DIAPH3: variants seen among roughly 807,000 people sequenced by gnomAD.
The protein encoded by DIAPH3 is protein diaphanous homolog 3.
A neutral mutation model predicts 144.3 loss-of-function variants in DIAPH3; 117 were observed. The ratio of observed to expected loss-of-function variants is 0.81; its 90% CI spans 0.70 to 0.95. The LOEUF (loss-of-function observed/expected upper bound fraction) is 0.95. Among genes scored for constraint, DIAPH3 ranks in the 40% least tolerant of loss-of-function variants. The pLI, the probability that DIAPH3 is intolerant of heterozygous loss-of-function variation, is 0.00. For synonymous variants in DIAPH3, 519 were observed against 488.9 expected, an observed-to-expected ratio of 1.06 and a Z score of -0.81; for missense variants, 1,421 against 1,412.7, an observed-to-expected ratio of 1.01 and a Z score of -0.09.
At chr13:59,909,094 A>G (rs2046871332) in intron 20 of DIAPH3, among the ~76,000 whole-genome samples, 1 of 152,188 alleles carries the variant, frequency 6.6e-6, no homozygotes, top group African/African-American at 2.4e-5. Flanking sequence ...TTAATTGCCC[A>G]TTTTTGATAC....
chr13:60,149,682 G>A (rs1187117783), intron 1 of DIAPH3, among the ~76,000 whole-genome samples: 1 of 150,756 alleles, frequency 6.6e-6, no homozygotes, highest in African/African-American at 2.4e-5. Flanking sequence ...GAGCCCAAGA[G>A]GTGAAGGCTG....
At chr13:59,723,694 T>C (rs919953648) in intron 27 of DIAPH3, among the ~76,000 whole-genome samples, 15 of 152,004 alleles carry the variant, frequency 9.9e-5, no homozygotes, top group Admixed American at 7.9e-4. Context: ...CGCTGCAATC[T>C]CCGCCTCCTG....
chr13:59,798,865 G>A (rs1566325643), intron 25 of DIAPH3, among the ~76,000 whole-genome samples: 1 of 152,164 alleles, frequency 6.6e-6, no homozygotes, highest in African/African-American at 2.4e-5. Flanking sequence ...GTTACAGAGA[G>A]TTGAGTCCAA....
chr13:60,076,366 T>C (rs1347218410), intron 4 of DIAPH3, among the ~76,000 whole-genome samples: 1 of 152,200 alleles, frequency 6.6e-6, no homozygotes, highest in African/African-American at 2.4e-5. Flanking sequence ...CTTAAATTAC[T>C]GTGAACCTTA....
At chr13:60,131,343 G>T (rs538975987) in intron 2 of DIAPH3, among the ~76,000 whole-genome samples, 1 of 151,160 alleles carries the variant, frequency 6.6e-6, no homozygotes, top group Non-Finnish European at 1.5e-5. Context: ...GGCTGATGTG[G>T]GAGGATTGCC....
intron 4 of DIAPH3, among the ~76,000 whole-genome samples, chr13:60,067,648 T>A (rs1440529333): frequency 2.0e-5 from 3 of 152,216 alleles, no homozygotes; most frequent in Non-Finnish European, 4.4e-5. Context: ...GGACTGTAAA[T>A]ATGGCATTCT....
Position 59,861,497 on chromosome 13 carries a change from G to A in DIAPH3, c.2647C>T (p.Leu883Phe), listed in dbSNP as rs1456873008. The A allele has an allele frequency of 7.4e-6, 12 of 1,613,778 alleles. No homozygotes were observed. The highest frequency in any genetic ancestry group is 1.1e-5 in the South Asian group (1 of 91,074). The change falls in exon 22 of 28, where the codon CTT becomes TTT. Residue 883 changes from leucine to phenylalanine, a missense_variant. Physicochemically the swap from Leu to Phe is conservative, Grantham distance 22 (BLOSUM62 0). Coordinates refer to ENST00000400324, the MANE Select transcript of DIAPH3 (RefSeq NM_001042517.2). ...TKSADQKTTL[L>F]HFLVEICEEK... is the part of the protein sequence containing the mutation. ...TCACATATTTCTACCAGGAAATGAA[G>A]TAGCGTTGTTTTCTGATCTGCTGAT...
At chr13:60,074,811 A>G (rs934686699) in intron 4 of DIAPH3, among the ~76,000 whole-genome samples, 1 of 152,078 alleles carries the variant, frequency 6.6e-6, no homozygotes, top group African/African-American at 2.4e-5. Context: ...AGTCAGATCT[A>G]AGTCATTGGT....
intron 2 of DIAPH3, among the ~76,000 whole-genome samples, chr13:60,120,544 A>G (rs139753072): frequency 6.6e-6 from 1 of 152,308 alleles, no homozygotes; most frequent in Non-Finnish European, 1.5e-5. Flanking sequence ...TCTACTTATA[A>G]TATTTTGTCC....
At chr13:59,834,604 G>A (rs1277236679) in intron 23 of DIAPH3, among the ~76,000 whole-genome samples, 1 of 151,604 alleles carries the variant, frequency 6.6e-6, no homozygotes, top group Non-Finnish European at 1.5e-5. Context: ...CTGCCAGGTA[G>A]GGAGTAAATG....
intron 1 of DIAPH3, among the ~76,000 whole-genome samples, chr13:60,158,906 TAAA>T (rs71197285): frequency 9.1e-5 from 7 of 76,912 alleles, no homozygotes; most frequent in Admixed American, 1.6e-4. Flanking sequence ...TGGCCCCTCT[TAAA>T]AAAAAAAAAA....
chr13:60,112,406 T>C (rs2058593707), intron 2 of DIAPH3, among the ~76,000 whole-genome samples: 1 of 152,174 alleles, frequency 6.6e-6, no homozygotes, highest in Non-Finnish European at 1.5e-5. Context: ...CAGACAACAT[T>C]GAAAGATTCC....
intron 2 of DIAPH3, among the ~76,000 whole-genome samples, chr13:60,127,791 T>C (rs1165945386): frequency 6.6e-6 from 1 of 152,178 alleles, no homozygotes; most frequent in Admixed American, 6.6e-5. Context: ...AAATATTTCA[T>C]ATCACGACTA....
chr13:59,759,074 G>A (rs998317700), intron 27 of DIAPH3, among the ~76,000 whole-genome samples: 19 of 151,390 alleles, frequency 1.3e-4, no homozygotes, highest in Non-Finnish European at 1.9e-4. Flanking sequence ...TTACAGGCAT[G>A]AGACACCACA....
chr13:59,976,215 T>A (rs2050674260), intron 14 of DIAPH3, among the ~76,000 whole-genome samples: 1 of 151,976 alleles, frequency 6.6e-6, no homozygotes, highest in African/African-American at 2.4e-5. Context: ...CACACTTAGC[T>A]ATAATTCATT....
chr13:59,674,969 G>A (rs1372131800), intron 27 of DIAPH3, among the ~76,000 whole-genome samples: 2 of 152,170 alleles, frequency 1.3e-5, no homozygotes, highest in African/African-American at 2.4e-5. Context: ...TGGTTCATAA[G>A]GGAAAGGGTA....
chr13:60,136,572 G>A (rs1465482017), intron 1 of DIAPH3, among the ~76,000 whole-genome samples: 3 of 151,516 alleles, frequency 2.0e-5, no homozygotes, highest in Non-Finnish European at 4.4e-5. Flanking sequence ...TTACCTACCT[G>A]GCCTATGATT....
chr13:60,094,920 C>T (rs764707868), intron 3 of DIAPH3, among the ~76,000 whole-genome samples: 1 of 152,116 alleles, frequency 6.6e-6, no homozygotes, highest in African/African-American at 2.4e-5. Flanking sequence ...CATCCTGTTA[C>T]GTGAATAAGT....
intron 18 of DIAPH3, among the ~76,000 whole-genome samples, chr13:59,919,729 G>A (rs951306104): frequency 6.6e-6 from 1 of 152,028 alleles, no homozygotes; most frequent in Non-Finnish European, 1.5e-5. Flanking sequence ...TAACTCACCA[G>A]TAAAAGTAAG....
Sources: gnomAD v4.1 joint callset for allele counts (sites outside exome capture counted in the v4.1 genomes callset) on GRCh38, gnomAD v4.1.1 for gene constraint, MANE v1.5 for transcripts, NCBI Gene and HGNC (gene_info 2026-07-23, HGNC 2026-07-21) for gene names.